The following RPRD1A variants were observed in gnomAD, a reference collection of about 807,000 sequenced individuals.
RPRD1A encodes regulation of nuclear pre-mRNA domain-containing protein 1A.
Under a neutral mutation model 37.8 loss-of-function variants are expected in RPRD1A, and 9 were observed. That is an observed-to-expected ratio of 0.24 (90% CI 0.14 to 0.42). RPRD1A has a LOEUF of 0.42. Ranked by LOEUF, RPRD1A falls within the 10% of genes least tolerant of loss-of-function variation. The probability of loss-of-function intolerance (pLI) is 1.00; values close to 1 mark genes in which losing one functional copy is unlikely to be tolerated. For missense variants in RPRD1A, 255 were observed against 371.0 expected (o/e 0.69, Z 2.57); for synonymous variants, 138 against 139.7 (o/e 0.99, Z 0.08).
At chr18:36,042,083 C>T (rs967650892) in intron 1 of RPRD1A, among the ~76,000 whole-genome samples, 15 of 152,150 alleles carry the variant, frequency 9.9e-5, no homozygotes, top group African/African-American at 3.6e-4. Flanking sequence ...GAACCAAAGG[C>T]CTTAAACAAA....
intron 6 of RPRD1A, among the ~76,000 whole-genome samples, chr18:36,000,233 G>C (rs969923338): frequency 3.9e-5 from 6 of 152,044 alleles, no homozygotes; most frequent in Non-Finnish European, 7.4e-5. Context: ...TCTAATCCTG[G>C]AATTGACAAT....
At chr18:36,034,979 T>C (rs141757169) in intron 1 of RPRD1A, among the ~76,000 whole-genome samples, 1 of 152,344 alleles carries the variant, frequency 6.6e-6, no homozygotes, top group Non-Finnish European at 1.5e-5. Flanking sequence ...CTGTTTAAAT[T>C]GCTGTCTACC....
intron 1 of RPRD1A, among the ~76,000 whole-genome samples, chr18:36,045,941 T>A (rs745364613): frequency 6.6e-6 from 1 of 152,186 alleles, no homozygotes; most frequent in Non-Finnish European, 1.5e-5. Context: ...CATTGTTGGA[T>A]TCTATTTTGA....
chr18:36,026,067 C>T (rs1000491014), intron 6 of RPRD1A: 1 of 163,220 alleles, frequency 6.1e-6, no homozygotes, highest in African/African-American at 2.4e-5. Flanking sequence ...ATCTAAGCAC[C>T]ATTTTTGGCA....
At position 36,031,229 on chromosome 18, in the gene RPRD1A, TA is replaced by T. The variant is rs2144293336; in HGVS notation, c.282-133del. The T allele has an allele frequency of 2.7e-6, 3 of 1,124,848 alleles. No individual in the cohort carries two copies. The East Asian group carries it at 8.1e-5, about 30-fold the overall frequency. The allele number at this position is 1,124,848 out of a possible 1,614,324, so 69.7% of individuals were successfully genotyped here. ...GGAAAAAACTGTCCAAATGTCTACT[TA>T]GCATCACTATGTGGCCAGCAGCTCA... On this transcript the variant is annotated intron_variant, in intron 2 of 6. Transcript: ENST00000399022.
intron 1 of RPRD1A, among the ~76,000 whole-genome samples, chr18:36,057,657 C>T (rs888164678): frequency 3.3e-5 from 5 of 152,122 alleles, no homozygotes; most frequent in African/African-American, 7.2e-5. Context: ...TGTGTATTAT[C>T]CTGTCTACCT....
intron 1 of RPRD1A, among the ~76,000 whole-genome samples, chr18:36,043,232 AT>A (rs1912723041): frequency 6.6e-6 from 1 of 151,844 alleles, no homozygotes. Context: ...CCAACAAAGA[AT>A]TAAGTTATAA....
intron 1 of RPRD1A, among the ~76,000 whole-genome samples, chr18:36,043,207 G>GGGGGGGA (rs1912718138): frequency 9.2e-6 from 1 of 108,474 alleles, no homozygotes; most frequent in African/African-American, 3.5e-5. Context: ...GGGGGGGGGG[G>GGGGGGGA]AAGAAGGGGA....
intron 1 of RPRD1A, among the ~76,000 whole-genome samples, chr18:36,048,743 C>T (rs966737895): frequency 3.3e-5 from 5 of 151,784 alleles, no homozygotes; most frequent in African/African-American, 1.2e-4. Context: ...TTATTCTCAT[C>T]AGTCTTATTA....
intron 6 of RPRD1A, among the ~76,000 whole-genome samples, chr18:36,006,453 G>A (rs1303381119): frequency 6.6e-6 from 1 of 152,200 alleles, no homozygotes; most frequent in East Asian, 1.9e-4. Context: ...AAGGCTGAAT[G>A]CCAAAGTGTT....
chr18:36,038,924 G>A (rs988430801), intron 1 of RPRD1A, among the ~76,000 whole-genome samples: 1 of 152,150 alleles, frequency 6.6e-6, no homozygotes, highest in South Asian at 2.1e-4. Context: ...AAATACCTAT[G>A]ATACCCCCGT....
chr18:35,998,227 C>T (rs1480963088), intron 6 of RPRD1A, among the ~76,000 whole-genome samples: 10 of 151,872 alleles, frequency 6.6e-5, no homozygotes, highest in East Asian at 1.9e-4. Context: ...GGTGTGGTGG[C>T]GGCACCTGTA....
chr18:36,046,642 G>A (rs1037416133), intron 1 of RPRD1A, among the ~76,000 whole-genome samples: 4 of 151,754 alleles, frequency 2.6e-5, no homozygotes, highest in Non-Finnish European at 5.9e-5. Flanking sequence ...GCCAGCCCGG[G>A]GCAACATGGT....
chr18:36,062,735 AT>A (rs1213414268), intron 1 of RPRD1A, among the ~76,000 whole-genome samples: 1 of 152,204 alleles, frequency 6.6e-6, no homozygotes, highest in Non-Finnish European at 1.5e-5. Context: ...AATGGTAAAA[AT>A]AGTCCAATCT....
chr18:36,033,564 C>T, intron 2 of RPRD1A, 144 bp downstream of exon 2: 1 of 568,386 alleles, frequency 1.8e-6, no homozygotes, highest in Non-Finnish European at 2.8e-6. Flanking sequence ...TTATAAATGC[C>T]ATGTAGAGGG....
chr18:36,006,719 A>G (rs1458789374), intron 6 of RPRD1A, among the ~76,000 whole-genome samples: 1 of 152,192 alleles, frequency 6.6e-6, no homozygotes, highest in Non-Finnish European at 1.5e-5. Context: ...ATGGAGGGAA[A>G]TGGTGCTGGA....
At chr18:36,000,624 T>C (rs1248092514) in intron 6 of RPRD1A, among the ~76,000 whole-genome samples, 1 of 152,222 alleles carries the variant, frequency 6.6e-6, no homozygotes, top group African/African-American at 2.4e-5. Flanking sequence ...TATACCACAC[T>C]GTGACCCTAA....
intron 1 of RPRD1A, among the ~76,000 whole-genome samples, chr18:36,064,706 A>G (rs1032007669): frequency 1.1e-4 from 16 of 152,202 alleles, no homozygotes; most frequent in Admixed American, 8.5e-4. Context: ...CTGGGGCCAG[A>G]TAAGAGAATA....
intron 2 of RPRD1A, 76 bp downstream of exon 2, chr18:36,033,632 T>C (rs3737474): frequency 0.23 from 295,630 of 1,313,462 alleles, 34,161 homozygotes; most frequent in Middle Eastern, 0.27. Context: ...ATTTTAATAG[T>C]TTAAGGCAAA....
Sources: allele counts gnomAD v4.1 joint callset (sites outside exome capture counted in the v4.1 genomes callset), GRCh38; gene constraint gnomAD v4.1.1; transcripts MANE v1.5; gene names NCBI Gene and HGNC (gene_info 2026-07-23, HGNC 2026-07-21).